The following FGFR1 variants were observed in gnomAD, a reference collection of about 807,000 sequenced individuals.
FGFR1 encodes the protein FGFR1/PLAG1 fusion.
FGFR1 carries 18 observed loss-of-function variants against 93.7 expected under a neutral mutation model. The ratio of observed to expected loss-of-function variants is 0.19; its 90% CI spans 0.13 to 0.28. The LOEUF is 0.28. Ranked by LOEUF, FGFR1 falls within the 10% of genes least tolerant of loss-of-function variation. The pLI is 1.00. For missense variants in FGFR1, 731 were observed against 1,080.4 expected, an observed-to-expected ratio of 0.68 and a Z score of 4.53; for synonymous variants, 448 against 429.3, an observed-to-expected ratio of 1.04 and a Z score of -0.54.
intron 15 of FGFR1, 30 bp downstream of exon 15, chr8:38,414,529 C>T (rs781400849): frequency 2.7e-5 from 43 of 1,612,534 alleles, no homozygotes; most frequent in Non-Finnish European, 3.6e-5. Context: ...CTATCCCACA[C>T]CTCCCTGGCA....
intron 7 of FGFR1, chr8:38,423,310 T>TA: frequency 1.7e-6 from 1 of 592,388 alleles, no homozygotes. Context: ...CTTTCCCTTT[T>TA]AGTTTTTTTT....
intron 2 of FGFR1, among the ~76,000 whole-genome samples, chr8:38,448,910 G>A (rs564565660): frequency 2.1e-4 from 32 of 152,006 alleles, no homozygotes; most frequent in Admixed American, 3.3e-4. Context: ...AGCCGAGATC[G>A]CGCCACTGCA....
intron 2 of FGFR1, among the ~76,000 whole-genome samples, chr8:38,441,669 G>A (rs1827534679): frequency 6.6e-6 from 1 of 152,210 alleles, no homozygotes; most frequent in African/African-American, 2.4e-5. Flanking sequence ...CTGCGGCTAT[G>A]GAGGAGGGCC....
chr8:38,443,871 T>C (rs1328293011), intron 2 of FGFR1, among the ~76,000 whole-genome samples: 1 of 151,870 alleles, frequency 6.6e-6, no homozygotes, highest in Admixed American at 6.6e-5. Flanking sequence ...CTGACCAACA[T>C]GGAGAAACCC....
In FGFR1 at chr8:38,421,836, C is replaced by T. The variant is rs886037634; in HGVS notation, c.1042G>A (p.Gly348Arg). 1 of 1,613,998 alleles carries T rather than the reference C, an allele frequency of 6.2e-7. No individual in the cohort carries two copies. The highest frequency in any genetic ancestry group is 8.5e-7 in the Non-Finnish European group (1 of 1,179,982). The change falls in exon 8 of 18, where the codon GGA becomes AGA. Residue 348 changes from glycine to arginine, a missense_variant. Gly to Arg is a moderately radical substitution (Grantham distance 125, BLOSUM62 -2). Coordinates refer to ENST00000447712, the MANE Select transcript of FGFR1 (RefSeq NM_023110.3). The stretch of plus-strand genomic sequence containing the variant: ...AACCATGCAGAGTGATGGGAGAGTC[C>T]GATAGAGTTACCCGCCAAGCACGTA... Reference protein sequence around the residue: ...EYTCLAGNSIGLSHHSAWLTV... With the variant: ...EYTCLAGNSIRLSHHSAWLTV...
At chr8:38,440,279 G>A (rs746931242) in intron 2 of FGFR1, 1 of 1,592,160 alleles carries the variant, frequency 6.3e-7, no homozygotes, top group Non-Finnish European at 8.6e-7. Context: ...TACGTATTTT[G>A]GCTTTGAAAT....
intron 1 of FGFR1, chr8:38,460,966 C>T (rs1039736953): frequency 2.6e-6 from 3 of 1,172,986 alleles, no homozygotes; most frequent in Non-Finnish European, 3.7e-6. Context: ...GCAGCTGGTT[C>T]CCCCCGCCCC....
Position 38,429,511 on chromosome 8 carries a change from T to C in FGFR1, c.358+171A>G, listed in dbSNP as rs1822068756. On this transcript the variant is annotated intron_variant, in intron 3 of 17. Transcript: ENST00000447712. The surrounding 1 kb of genome is among the most constrained non-coding windows in gnomAD (Gnocchi z 4.4). Reference sequence around the variant, plus strand: ...GGCCCACCCCACCTAGTCACCTCTCTGAGAGCCAAGCCACGCGGCAGGCAG... The same window carrying C: ...GGCCCACCCCACCTAGTCACCTCTCCGAGAGCCAAGCCACGCGGCAGGCAG... 3.6e-6 allele frequency: 3 copies of C among 822,660 alleles called. No individual in the cohort carries two copies. In the Admixed American group the frequency reaches 6.2e-5, roughly 17 times the overall value. 51.0% of individuals were successfully genotyped at this position (822,660 alleles called of 1,614,324 possible). A position where few individuals can be genotyped will look rare whatever the true frequency, so the allele number is the denominator to read the frequency against.
At position 38,429,338 on chromosome 8, in the gene FGFR1, G is replaced by A. The variant is rs776300515; in HGVS notation, c.358+344C>T. ...TACCAAGTCCAAATGGCAAGGGAGT[G>A]ATGGAGTGGAAGCTGGCCGAGCACC... On this transcript the variant is annotated intron_variant, in intron 3 of 17. Transcript: ENST00000447712. The surrounding 1 kb of genome is among the most constrained non-coding windows in gnomAD (Gnocchi z 4.4). 3.3e-6 allele frequency: 2 copies of A among 601,254 alleles called. No homozygotes were observed. Among genetic ancestry groups the A allele is most frequent in the Admixed American group, 1.9e-5 (1 of 53,510 alleles). 37.2% of individuals were successfully genotyped at this position (601,254 alleles called of 1,614,324 possible).
intron 2 of FGFR1, among the ~76,000 whole-genome samples, chr8:38,436,424 C>T (rs1482436506): frequency 1.3e-5 from 2 of 152,034 alleles, no homozygotes; most frequent in Non-Finnish European, 2.9e-5. Flanking sequence ...TGCTTTGATG[C>T]CAATAGAATG....
At chr8:38,414,723 C>G in intron 14 of FGFR1, 56 bp downstream of exon 14, 1 of 1,613,614 alleles carries the variant, frequency 6.2e-7, no homozygotes, top group African/African-American at 1.3e-5. Flanking sequence ...CAGCCCACCC[C>G]ACTCCTTGCT....
intron 2 of FGFR1, among the ~76,000 whole-genome samples, chr8:38,448,785 T>A (rs553715027): frequency 1.3e-5 from 2 of 151,856 alleles, no homozygotes; most frequent in African/African-American, 4.8e-5. Flanking sequence ...CGAAAACCTG[T>A]CTCTACAAAA....
At chr8:38,444,387 G>GTT (rs112231725) in intron 2 of FGFR1, among the ~76,000 whole-genome samples, 7 of 133,736 alleles carry the variant, frequency 5.2e-5, no homozygotes, top group African/African-American at 5.5e-5. Context: ...CATGGTTCGG[G>GTT]TTTTTTTTTT....
At chr8:38,450,466 C>T (rs1047119894) in intron 2 of FGFR1, among the ~76,000 whole-genome samples, 8 of 152,154 alleles carry the variant, frequency 5.3e-5, no homozygotes, top group Admixed American at 2.6e-4. Flanking sequence ...CCCCAGACCT[C>T]GCCCTCCCGG....
Position 38,414,636 on chromosome 8 carries a change from GC to G in FGFR1, c.1978-8del, listed in dbSNP as rs112311314. On this transcript the variant is annotated splice_polypyrimidine_tract_variant and splice_region_variant and intron_variant, in intron 14 of 17. Coordinates refer to ENST00000447712, the MANE Select transcript of FGFR1 (RefSeq NM_023110.3). ...ACTTCACAGGCAGTCGGCCCTGAAAGCAGCACAGGGGAGGTTGGAGTGGCCC... is the reference window on the plus strand; with the variant it reads ...ACTTCACAGGCAGTCGGCCCTGAAAGAGCACAGGGGAGGTTGGAGTGGCCC... The G allele has an allele frequency of 2.6e-5, 42 of 1,613,818 alleles. 1 individual carries two copies. The African/African-American group carries it at 4.0e-4, about 15-fold the overall frequency.
intron 2 of FGFR1, among the ~76,000 whole-genome samples, chr8:38,443,081 C>G (rs1426067879): frequency 2.0e-5 from 3 of 152,112 alleles, no homozygotes; most frequent in Non-Finnish European, 4.4e-5. Context: ...ATAGTGGTTA[C>G]CAAGGGGCTG....
At chr8:38,462,238 G>T (rs186083876) in intron 1 of FGFR1, among the ~76,000 whole-genome samples, 1 of 152,290 alleles carries the variant, frequency 6.6e-6, no homozygotes, top group East Asian at 1.9e-4. Flanking sequence ...AGGCGCGGTG[G>T]CTCACGCCTG....
In FGFR1 at chr8:38,433,561, C is replaced by T. The variant is rs139832033; in HGVS notation, c.92-3613G>A. Among the ~76,000 whole-genome samples the T allele has an allele frequency of 2.2e-4, 34 of 152,308 alleles. No homozygotes were observed. In the East Asian group the frequency reaches 5.6e-3, roughly 25 times the overall value. On this transcript the variant is annotated intron_variant, in intron 2 of 17. Coordinates refer to ENST00000447712, the MANE Select transcript of FGFR1 (RefSeq NM_023110.3). ...CAGACCTTAAGTGATCTGCCCGCCT[C>T]GGTCCTTGCATCTTCAGTTAGCAAG...
intron 2 of FGFR1, among the ~76,000 whole-genome samples, chr8:38,439,747 TCCATCA>T (rs1826730094): frequency 1.3e-5 from 2 of 152,152 alleles, no homozygotes; most frequent in African/African-American, 4.8e-5. Context: ...AGCAATCATC[TCCATCA>T]CTTTCCTAGG....
Sources: allele counts gnomAD v4.1 joint callset (sites outside exome capture counted in the v4.1 genomes callset), GRCh38; gene constraint gnomAD v4.1.1; non-coding constraint Gnocchi (gnomAD v3.1); transcripts MANE v1.5; gene names NCBI Gene and HGNC (gene_info 2026-07-23, HGNC 2026-07-21).